AHCY: variants seen among roughly 807,000 people sequenced by gnomAD.
AHCY encodes S-adenosyl-L-homocysteine hydrolase.
AHCY carries 24 observed loss-of-function variants against 45.4 expected under a neutral mutation model. The observed-to-expected ratio is 0.53, with a 90% confidence interval of 0.38 to 0.74. The LOEUF (loss-of-function observed/expected upper bound fraction) is 0.74. Among genes scored for constraint, AHCY ranks in the 30% least tolerant of loss-of-function variants. AHCY has a pLI of 0.00. For missense variants in AHCY, 449 were observed against 594.1 expected (o/e 0.76, Z 2.54); for synonymous variants, 245 against 235.1 (o/e 1.04, Z -0.39).
intron 8 of AHCY, among the ~76,000 whole-genome samples, chr20:34,288,843 A>G (rs2036273126): frequency 6.6e-6 from 1 of 152,086 alleles, no homozygotes; most frequent in Non-Finnish European, 1.5e-5. Flanking sequence ...AAAAAAATAA[A>G]CTCATAATAA....
intron 1 of AHCY, among the ~76,000 whole-genome samples, chr20:34,299,934 C>T (rs2036713323): frequency 6.6e-6 from 1 of 152,170 alleles, no homozygotes; most frequent in South Asian, 2.1e-4. Context: ...CCTGTAATCC[C>T]AGCACTTTGG....
Position 34,281,062 on chromosome 20 carries a change from G to T in AHCY, c.1271C>A (p.Pro424His). Residue 424 changes from proline (P) to histidine (H), a missense_variant, in exon 10 of 10, where the codon CCC becomes CAC. Transcript: ENST00000217426. ...AQYLGMSCDGPFKPDHYRY is the reference protein window; with the variant it reads ...AQYLGMSCDGHFKPDHYRY ...GTAGCGGTAGTGATCCGGCTTGAAG[G>T]GGCCATCACAGGACATGCCCAGGTA... 6.2e-7 allele frequency: 1 copy of T among 1,614,190 alleles called. No individual in the cohort carries two copies. Among genetic ancestry groups the T allele is most frequent in the African/African-American group, 1.3e-5 (1 of 75,062 alleles).
the AHCY span, among the ~76,000 whole-genome samples, chr20:34,261,840 C>T: frequency 3.9e-5 from 6 of 151,910 alleles, no homozygotes; most frequent in Admixed American, 6.6e-5. Context: ...CGGCCAGGCG[C>T]GGTGGCTCAC....
the AHCY span, chr20:34,260,360 C>T: frequency 6.2e-7 from 1 of 1,611,600 alleles, no homozygotes; most frequent in African/African-American, 1.3e-5. Context: ...CTCTGTCCCA[C>T]TCAGGCCTCC....
the AHCY span, among the ~76,000 whole-genome samples, chr20:34,236,112 AG>A: frequency 1.3e-5 from 2 of 150,012 alleles, no homozygotes; most frequent in Admixed American, 1.3e-4. Flanking sequence ...AAGAAAGGAA[AG>A]GAAAGGAGTG....
chr20:34,306,246 C>T (rs2036895157), upstream of AHCY, among the ~76,000 whole-genome samples: 1 of 152,126 alleles, frequency 6.6e-6, no homozygotes, highest in Non-Finnish European at 1.5e-5. Context: ...ACTTTGGAGA[C>T]TGCTGGTCTC....
upstream of AHCY, among the ~76,000 whole-genome samples, chr20:34,306,461 A>G (rs1201286503): frequency 6.6e-6 from 1 of 151,074 alleles, no homozygotes; most frequent in African/African-American, 2.4e-5. Context: ...TCTGTCTCCC[A>G]GGTTCAAAGT....
Position 34,291,422 on chromosome 20 carries a change from G to T in AHCY, c.555C>A (p.Thr185=). 6.2e-7 allele frequency: 1 copy of T among 1,613,808 alleles called. No individual in the cohort carries two copies. Among genetic ancestry groups the T allele is most frequent in the African/African-American group, 1.3e-5 (1 of 75,042 alleles). The change falls in exon 5 of 10, where the codon ACC becomes ACA. Residue 185 remains threonine, a synonymous_variant. Coordinates refer to ENST00000217426, the MANE Select transcript of AHCY (RefSeq NM_000687.4). ...VPAINVNDSV[T]KSKFDNLYGC... Reference sequence around the variant, plus strand: ...CTGTCACTGCCCCTCGGCTCACCTTGGTGACGGAGTCATTGACATTGATGG... The same window carrying T: ...CTGTCACTGCCCCTCGGCTCACCTTTGTGACGGAGTCATTGACATTGATGG...
At chr20:34,307,248 C>G (rs2036905162), upstream of AHCY, among the ~76,000 whole-genome samples, 1 of 151,972 alleles carries the variant, frequency 6.6e-6, no homozygotes, top group Admixed American at 6.6e-5. Flanking sequence ...GTCGCTACCA[C>G]CCGGCTAATA....
the AHCY span, among the ~76,000 whole-genome samples, chr20:34,243,892 G>A: frequency 1.3e-5 from 2 of 151,902 alleles, no homozygotes; most frequent in Non-Finnish European, 2.9e-5. Context: ...ATGAAACCCC[G>A]TCTCTACTAA....
At position 34,285,725 on chromosome 20, in the gene AHCY, T is replaced by C. The variant is rs34988314; in HGVS notation, c.973-91A>G. 132 of 1,452,978 alleles carry C rather than the reference T, an allele frequency of 9.1e-5. 1 individual carries two copies. The Admixed American group carries it at 2.4e-3, about 26-fold the overall frequency. 90.0% of individuals were successfully genotyped at this position (1,452,978 alleles called of 1,614,324 possible). On this transcript the variant is annotated intron_variant, in intron 8 of 9. Transcript: ENST00000217426. ...TGGCAGGCCTCTCTGCCTCCAACAG[T>C]GCCCATGAGGAGTCCGAACTGCTCC...
At chr20:34,258,769 AATAT>A in the AHCY span, among the ~76,000 whole-genome samples, 3 of 96,324 alleles carry the variant, frequency 3.1e-5, no homozygotes, top group Admixed American at 1.5e-4. Context: ...TGATATATAT[AATAT>A]ATATAGTATA....
At chr20:34,291,595 T>C in intron 4 of AHCY, 64 bp from the exon 5 acceptor site, 2 of 1,408,596 alleles carry the variant, frequency 1.4e-6, no homozygotes, top group Non-Finnish European at 2.0e-6. Context: ...AAATTCCTCA[T>C]CTTTACCCCC....
At chr20:34,291,108 C>A (rs527940436) in intron 5 of AHCY, among the ~76,000 whole-genome samples, 170 bp from the exon 6 acceptor site, 14 of 152,158 alleles carry the variant, frequency 9.2e-5, no homozygotes, top group Non-Finnish European at 1.8e-4. Flanking sequence ...TCACCCCGAT[C>A]GGCTCAAAGA....
intron 4 of AHCY, among the ~76,000 whole-genome samples, chr20:34,292,103 A>C (rs2036416085): frequency 6.6e-6 from 1 of 152,202 alleles, no homozygotes; most frequent in Admixed American, 6.5e-5. Context: ...CTTTGAACAA[A>C]GCTGGCTCCC....
At chr20:34,262,418 A>G in the AHCY span, among the ~76,000 whole-genome samples, 24 of 152,152 alleles carry the variant, frequency 1.6e-4, no homozygotes, top group Non-Finnish European at 2.9e-4. Flanking sequence ...AAAATAGGAA[A>G]CACAGGTGCA....
intron 1 of AHCY, 176 bp downstream of exon 1, chr20:34,303,067 C>A: frequency 1.0e-6 from 1 of 985,324 alleles, no homozygotes; most frequent in Non-Finnish European, 1.2e-6. Flanking sequence ...CGGAACGGCC[C>A]GCTCATGGCC....
At chr20:34,261,391 T>C in the AHCY span, among the ~76,000 whole-genome samples, 3 of 152,206 alleles carry the variant, frequency 2.0e-5, no homozygotes, top group East Asian at 1.9e-4. Context: ...CCCAGCACTT[T>C]CGTAGGCTGA....
chr20:34,260,627 G>C, the AHCY span: 1 of 1,342,922 alleles, frequency 7.4e-7, no homozygotes, highest in Admixed American at 2.2e-5. Context: ...CACCGCCATG[G>C]TCACGGCTCC....
Sources: gnomAD v4.1 joint callset for allele counts (sites outside exome capture counted in the v4.1 genomes callset) on GRCh38, gnomAD v4.1.1 for gene constraint, MANE v1.5 for transcripts, NCBI Gene and HGNC (gene_info 2026-07-23, HGNC 2026-07-21) for gene names.